GPC6: variants seen among roughly 807,000 people sequenced by gnomAD.
GPC6 encodes the protein glypican 6, also known as glypican-6.
Under a neutral mutation model 55.2 loss-of-function variants are expected in GPC6, and 14 were observed. The ratio of observed to expected loss-of-function variants is 0.25; its 90% CI spans 0.17 to 0.40. GPC6 has a LOEUF of 0.40. GPC6 is among the 10% of genes least tolerant of loss of function. GPC6 has a pLI of 1.00. For synonymous variants in GPC6, 278 were observed against 259.6 expected, an observed-to-expected ratio of 1.07 and a Z score of -0.68; for missense variants, 641 against 708.5, an observed-to-expected ratio of 0.90 and a Z score of 1.08.
At chr13:93,714,548 A>C (rs1883185155) in intron 2 of GPC6, among the ~76,000 whole-genome samples, 1 of 151,930 alleles carries the variant, frequency 6.6e-6, no homozygotes, top group African/African-American at 2.4e-5. Context: ...AAATTAAAAG[A>C]GAGCTACCAT....
At chr13:93,687,278 T>C (rs192945471) in intron 2 of GPC6, among the ~76,000 whole-genome samples, 9 of 152,146 alleles carry the variant, frequency 5.9e-5, no homozygotes, top group African/African-American at 2.2e-4. Context: ...GAAGCCTTTA[T>C]CCTATATTCT....
intron 1 of GPC6, among the ~76,000 whole-genome samples, chr13:93,267,388 A>G (rs957313095): frequency 1.4e-5 from 2 of 140,300 alleles, no homozygotes; most frequent in Admixed American, 1.5e-4. Flanking sequence ...TTTCCACAGG[A>G]GAGGGTTTTT....
chr13:94,094,303 C>T (rs1032962156), intron 4 of GPC6, among the ~76,000 whole-genome samples: 8 of 152,066 alleles, frequency 5.3e-5, no homozygotes, highest in Admixed American at 1.3e-4. Context: ...AGTTTGAAAG[C>T]TTAATCAGGT....
At chr13:94,163,602 A>T (rs1371835365) in intron 4 of GPC6, among the ~76,000 whole-genome samples, 1 of 152,180 alleles carries the variant, frequency 6.6e-6, no homozygotes, top group Non-Finnish European at 1.5e-5. Context: ...TCTAGTTCAG[A>T]GGGATGAGAA....
intron 2 of GPC6, among the ~76,000 whole-genome samples, chr13:93,611,246 A>T (rs1052950731): frequency 1.3e-5 from 2 of 152,146 alleles, no homozygotes; most frequent in African/African-American, 4.8e-5. Flanking sequence ...TTAGACAATG[A>T]TATTGACTTC....
At position 93,744,293 on chromosome 13, in the gene GPC6, C is replaced by T. The variant is rs190667101; in HGVS notation, c.320-85861C>T. ...TTCTTCACTCTTTTATCTTCCTCAG[C>T]TCAGTCCTTACATTGATGAAGCTCG... On this transcript the variant is annotated intron_variant, in intron 2 of 8. Coordinates refer to ENST00000377047, the MANE Select transcript of GPC6 (RefSeq NM_005708.5). Among the ~76,000 whole-genome samples, 350 of 152,246 alleles carry T rather than the reference C, an allele frequency of 2.3e-3. 2 individuals carry two copies. The highest frequency in any genetic ancestry group is 8.0e-3 in the African/African-American group (332 of 41,544).
At chr13:94,365,279 G>A (rs900007335) in intron 6 of GPC6, among the ~76,000 whole-genome samples, 1 of 152,134 alleles carries the variant, frequency 6.6e-6, no homozygotes. Flanking sequence ...ATTTGAGTAA[G>A]AGTTCATAGA....
intron 1 of GPC6, among the ~76,000 whole-genome samples, chr13:93,537,441 C>A (rs1158091624): frequency 6.6e-6 from 1 of 151,984 alleles, no homozygotes; most frequent in Non-Finnish European, 1.5e-5. Flanking sequence ...ATGAATTATT[C>A]TTTGTGGACA....
chr13:94,104,327 A>G (rs1885975819), intron 4 of GPC6, among the ~76,000 whole-genome samples: 1 of 152,230 alleles, frequency 6.6e-6, no homozygotes, highest in South Asian at 2.1e-4. Flanking sequence ...TCTCAAAATA[A>G]TAACAGCTAT....
At chr13:93,354,516 ATTATTTTTTTTT>A (rs1478276973) in intron 1 of GPC6, among the ~76,000 whole-genome samples, 30 of 98,008 alleles carry the variant, frequency 3.1e-4, no homozygotes, top group Non-Finnish European at 5.1e-4. Flanking sequence ...ACACTCGGCT[ATTATTTTTTTTT>A]TTTTTTTTTG....
chr13:93,965,941 C>G (rs931675133), intron 3 of GPC6, among the ~76,000 whole-genome samples: 3 of 152,162 alleles, frequency 2.0e-5, no homozygotes, highest in Non-Finnish European at 2.9e-5. Context: ...CAGATCCAGC[C>G]TGGCCAGCCC....
At chr13:94,095,732 A>G (rs1049125191) in intron 4 of GPC6, among the ~76,000 whole-genome samples, 2 of 152,276 alleles carry the variant, frequency 1.3e-5, no homozygotes, top group East Asian at 1.9e-4. Context: ...ATAGTATTAC[A>G]TGAGATAGAT....
chr13:94,382,368 AAGCCTG>A, intron 6 of GPC6, 40 bp from the exon 7 acceptor site: 2 of 1,610,628 alleles, frequency 1.2e-6, no homozygotes, highest in Non-Finnish European at 1.7e-6. Flanking sequence ...GAAATGGGGA[AAGCCTG>A]AGCAGAATAC....
intron 6 of GPC6, among the ~76,000 whole-genome samples, chr13:94,374,545 A>G (rs1879745219): frequency 7.0e-6 from 1 of 141,976 alleles, no homozygotes; most frequent in African/African-American, 2.7e-5. Flanking sequence ...ATACAGGAGC[A>G]CCAAGATTCA....
intron 3 of GPC6, among the ~76,000 whole-genome samples, chr13:93,924,782 CTTGAG>C (rs1253068321): frequency 6.8e-6 from 1 of 146,674 alleles, no homozygotes; most frequent in Non-Finnish European, 1.5e-5. Flanking sequence ...CTTCTCAGAT[CTTGAG>C]TCACATTAGT....
At chr13:94,015,434 A>G (rs1258644723) in intron 3 of GPC6, among the ~76,000 whole-genome samples, 1 of 152,172 alleles carries the variant, frequency 6.6e-6, no homozygotes, top group African/African-American at 2.4e-5. Context: ...CTTATCAGAT[A>G]TATGATTTAC....
chr13:93,495,338 C>T (rs1204295076), intron 1 of GPC6, among the ~76,000 whole-genome samples: 4 of 149,676 alleles, frequency 2.7e-5, no homozygotes, highest in South Asian at 2.2e-4. Context: ...CTTCTGCATT[C>T]TTCACGTAGT....
At chr13:93,518,710 A>T (rs886280467) in intron 1 of GPC6, among the ~76,000 whole-genome samples, 2 of 151,978 alleles carry the variant, frequency 1.3e-5, no homozygotes, top group African/African-American at 2.4e-5. Flanking sequence ...TTCTCTGCAA[A>T]TGGTAAATGC....
At chr13:93,455,605 G>T (rs1192384720) in intron 1 of GPC6, among the ~76,000 whole-genome samples, 1 of 152,032 alleles carries the variant, frequency 6.6e-6, no homozygotes, top group Non-Finnish European at 1.5e-5. Flanking sequence ...ACCCAAGATG[G>T]AGGCAAAAAG....
Sources: gnomAD v4.1 joint callset for allele counts (sites outside exome capture counted in the v4.1 genomes callset) on GRCh38, gnomAD v4.1.1 for gene constraint, MANE v1.5 for transcripts, NCBI Gene and HGNC (gene_info 2026-07-23, HGNC 2026-07-21) for gene names.